The following PCDHA4 variants were observed in gnomAD, a reference collection of about 807,000 sequenced individuals.
PCDHA4 encodes protocadherin alpha 4, also known as protocadherin alpha-4.
In PCDHA4, 49 loss-of-function variants were observed where a neutral mutation model predicts 61.4. The ratio of observed to expected loss-of-function variants is 0.80; its 90% CI spans 0.63 to 1.01. The LOEUF (loss-of-function observed/expected upper bound fraction) is 1.01, where lower values mean the gene tolerates loss of function less well. Among genes scored for constraint, PCDHA4 ranks in the 50% least tolerant of loss-of-function variants. The probability of loss-of-function intolerance (pLI) is 0.00; values close to 1 mark genes in which losing one functional copy is unlikely to be tolerated. For synonymous variants in PCDHA4, 590 were observed against 550.3 expected, an observed-to-expected ratio of 1.07 and a Z score of -1.01; for missense variants, 1,254 against 1,235.8, an observed-to-expected ratio of 1.01 and a Z score of -0.22.
At chr5:140,818,085 A>G (rs1296025308) in intron 1 of PCDHA4, among the ~76,000 whole-genome samples, 1 of 152,136 alleles carries the variant, frequency 6.6e-6, no homozygotes, top group Non-Finnish European at 1.5e-5. Flanking sequence ...AAAGCTTCTT[A>G]TATCTGTGGG....
intron 1 of PCDHA4, chr5:140,815,616 AC>A (rs1291156589): frequency 6.6e-6 from 1 of 152,118 alleles, no homozygotes; most frequent in Non-Finnish European, 1.5e-5. Flanking sequence ...CTTTTGTACC[AC>A]CATTACAGTA....
chr5:141,008,199 T>G (rs966441661), intron 3 of PCDHA4, among the ~76,000 whole-genome samples: 3 of 152,338 alleles, frequency 2.0e-5, no homozygotes, highest in Admixed American at 2.0e-4. Flanking sequence ...AGTAATATAA[T>G]GAACTTGACA....
chr5:140,829,934 G>T (rs1176512976), intron 1 of PCDHA4: 3 of 1,613,878 alleles, frequency 1.9e-6, no homozygotes, highest in Non-Finnish European at 1.7e-6. Flanking sequence ...GCAGCCCCCG[G>T]CAAGCAGCGC....
intron 1 of PCDHA4, chr5:140,835,747 T>C: frequency 6.2e-7 from 1 of 1,613,592 alleles, no homozygotes; most frequent in Non-Finnish European, 8.5e-7. Flanking sequence ...GCCCCGGCGT[T>C]CGCGCAGCCC....
rs781790601 is a variant in PCDHA4 at position 140,870,998 on chromosome 5, C to G, written c.2385+61426C>G. The G allele has an allele frequency of 6.2e-6, 10 of 1,613,366 alleles. No individual in the cohort carries two copies. The Admixed American group carries it at 1.7e-4, about 27-fold the overall frequency. On this transcript the variant is annotated intron_variant, in intron 1 of 3. Transcript: ENST00000530339. Reference sequence around the variant, plus strand: ...GGGCTGTACACGGGCGAGATAAGCACAACGCGTGCCCTGGACGAGGCAGAC... The same window carrying G: ...GGGCTGTACACGGGCGAGATAAGCAGAACGCGTGCCCTGGACGAGGCAGAC...
intron 1 of PCDHA4, chr5:140,869,081 T>C: frequency 6.3e-7 from 1 of 1,581,722 alleles, no homozygotes; most frequent in Non-Finnish European, 8.6e-7. Flanking sequence ...AGAAGCTTAT[T>C]TTGGAAGCCA....
chr5:140,981,864 T>C (rs1554243477), intron 2 of PCDHA4, among the ~76,000 whole-genome samples: 3 of 152,294 alleles, frequency 2.0e-5, no homozygotes, highest in African/African-American at 7.2e-5. Context: ...CCCAGCAATG[T>C]TTTATGCTGA....
chr5:141,009,595 C>G (rs781807814), intron 3 of PCDHA4, 32 bp from the exon 4 acceptor site: 1 of 1,604,124 alleles, frequency 6.2e-7, no homozygotes, highest in Non-Finnish European at 8.5e-7. Flanking sequence ...TGTGTTGACC[C>G]TGTTAATGAT....
chr5:140,884,457 G>A, intron 1 of PCDHA4: 1 of 1,613,758 alleles, frequency 6.2e-7, no homozygotes, highest in Non-Finnish European at 8.5e-7. Flanking sequence ...CCCACCGAGG[G>A]CGCGTGCGCG....
At chr5:140,831,516 C>G (rs572603415) in intron 1 of PCDHA4, among the ~76,000 whole-genome samples, 1 of 130,566 alleles carries the variant, frequency 7.7e-6, no homozygotes, top group African/African-American at 3.1e-5. Context: ...ACCATGCCCC[C>G]CACCTTTTTT....
rs528377796 is a variant in PCDHA4, at chr5:140,957,777, T to G, written c.2386-21172T>G. The stretch of plus-strand genomic sequence containing the variant: ...TTCATTATATATGTTAAGTAAAAAC[T>G]AAGTTCATCATATATGTTAAGTAAA... On this transcript the variant is annotated intron_variant, in intron 1 of 3. Coordinates refer to ENST00000530339, the MANE Select transcript of PCDHA4 (RefSeq NM_018907.4). 8.5e-5 allele frequency among the ~76,000 whole-genome samples: 13 copies of G among 152,182 alleles called. No individual in the cohort carries two copies. The South Asian group carries it at 1.7e-3, about 19-fold the overall frequency.
intron 1 of PCDHA4, among the ~76,000 whole-genome samples, chr5:140,855,023 G>C (rs115040572): frequency 0.046 from 6,867 of 149,598 alleles, 637 homozygotes; most frequent in Middle Eastern, 0.088. Context: ...GAAACTTCTT[G>C]TATAAAGGAT....
At chr5:140,877,633 C>A (rs1366996546) in intron 1 of PCDHA4, 7 of 1,613,622 alleles carry the variant, frequency 4.3e-6, no homozygotes, top group Non-Finnish European at 5.1e-6. Context: ...GTACACTGCG[C>A]TGCGTTGCTC....
intron 1 of PCDHA4, chr5:140,856,965 C>T: frequency 1.9e-6 from 3 of 1,590,456 alleles, no homozygotes; most frequent in Non-Finnish European, 2.6e-6. Context: ...GTAAATGATG[C>T]TATTGACTTT....
intron 1 of PCDHA4, among the ~76,000 whole-genome samples, chr5:140,913,649 T>A (rs1284685382): frequency 1.3e-5 from 2 of 152,166 alleles, no homozygotes; most frequent in Non-Finnish European, 2.9e-5. Flanking sequence ...TTTCTAGTTC[T>A]TTAAGATGTA....
At chr5:140,829,565 T>C (rs2150170147) in intron 1 of PCDHA4, 7 of 1,612,526 alleles carry the variant, frequency 4.3e-6, no homozygotes, top group Non-Finnish European at 5.9e-6. Context: ...GCTGGTGTCC[T>C]ACTCGCTGGT....
intron 1 of PCDHA4, among the ~76,000 whole-genome samples, chr5:140,898,068 C>A (rs1420706890): frequency 8.5e-5 from 13 of 152,050 alleles, no homozygotes; most frequent in African/African-American, 2.7e-4. Context: ...TGTTTGAGTT[C>A]ATTGTAGATT....
intron 1 of PCDHA4, chr5:140,850,952 A>G (rs890565160): frequency 1.3e-6 from 2 of 1,495,360 alleles, no homozygotes; most frequent in South Asian, 1.3e-5. Context: ...ATTATCGATT[A>G]CTCCCAGGGG....
chr5:140,855,744 T>C, intron 1 of PCDHA4: 1 of 316,692 alleles, frequency 3.2e-6, no homozygotes, highest in Non-Finnish European at 5.8e-6. Context: ...AGACGTAATG[T>C]GAGGCTTTGA....
Sources: allele counts gnomAD v4.1 joint callset (sites outside exome capture counted in the v4.1 genomes callset), GRCh38; gene constraint gnomAD v4.1.1; transcripts MANE v1.5; gene names NCBI Gene and HGNC (gene_info 2026-07-23, HGNC 2026-07-21).